Variants in KALRN observed in about 807,000 individuals in gnomAD.
KALRN encodes kalirin RhoGEF kinase.
In KALRN, 70 loss-of-function variants were observed where a neutral mutation model predicts 353.7. The ratio of observed to expected loss-of-function variants is 0.20; its 90% CI spans 0.16 to 0.24. The LOEUF (loss-of-function observed/expected upper bound fraction) is 0.24, where lower values mean the gene tolerates loss of function less well. Among genes scored for constraint, KALRN ranks in the 10% least tolerant of loss-of-function variants. KALRN has a pLI of 1.00. For synonymous variants in KALRN, 1,391 were observed against 1,434.8 expected (o/e 0.97, Z 0.69); for missense variants, 2,791 against 3,756.7 (o/e 0.74, Z 6.72).
chr3:124,052,072 G>A (rs2041096184), intron 1 of KALRN, among the ~76,000 whole-genome samples: 1 of 152,224 alleles, frequency 6.6e-6, no homozygotes, highest in African/African-American at 2.4e-5. Flanking sequence ...CAAGTGGTAA[G>A]TGGTTTCAGG....
intron 33 of KALRN, among the ~76,000 whole-genome samples, chr3:124,546,338 C>T (rs2069658819): frequency 6.6e-6 from 1 of 150,842 alleles, no homozygotes; most frequent in Non-Finnish European, 1.5e-5. Flanking sequence ...TGGCATGTAC[C>T]TTGTAGTCCC....
At chr3:124,537,862 C>T (rs930253852) in intron 33 of KALRN, among the ~76,000 whole-genome samples, 3 of 152,156 alleles carry the variant, frequency 2.0e-5, no homozygotes, top group African/African-American at 7.2e-5. Flanking sequence ...TGAGCATGCT[C>T]ACATTCTATG....
At chr3:124,654,688 A>G (rs1024218388) in intron 38 of KALRN, among the ~76,000 whole-genome samples, 12 of 152,230 alleles carry the variant, frequency 7.9e-5, no homozygotes, top group African/African-American at 2.9e-4. Flanking sequence ...TAGTTTACCA[A>G]GCAGTGGGCT....
chr3:124,596,570 T>A (rs1332293323), intron 34 of KALRN, among the ~76,000 whole-genome samples: 1 of 152,216 alleles, frequency 6.6e-6, no homozygotes, highest in Non-Finnish European at 1.5e-5. Flanking sequence ...TTGTACCAAG[T>A]CTTTGAAATC....
intron 6 of KALRN, among the ~76,000 whole-genome samples, chr3:124,319,935 A>G (rs1698694298): frequency 6.6e-6 from 1 of 152,104 alleles, no homozygotes; most frequent in Non-Finnish European, 1.5e-5. Flanking sequence ...TGGAGGTTGC[A>G]ATGAGCCAAG....
At chr3:124,392,746 AG>A (rs1419966050) in intron 11 of KALRN, among the ~76,000 whole-genome samples, 1 of 150,926 alleles carries the variant, frequency 6.6e-6, no homozygotes, top group Non-Finnish European at 1.5e-5. Flanking sequence ...CTGGAATTAC[AG>A]GTGTACGGCA....
rs554336243 is a variant in KALRN, at chr3:124,603,360, A to G, written c.5183-29060A>G. On this transcript the variant is annotated intron_variant, in intron 34 of 59. Transcript: ENST00000682506. ...CCTCCTGGTAGCCTTGGCAGCCTCT[A>G]ATTGATTCACTTAATTTTCTTGCTC... Among the ~76,000 whole-genome samples the G allele has an allele frequency of 6.6e-5, 10 of 152,258 alleles. No individual in the cohort carries two copies. The South Asian group carries it at 1.9e-3, about 28-fold the overall frequency.
chr3:124,552,897 C>A (rs1276207282), intron 33 of KALRN, among the ~76,000 whole-genome samples: 1 of 152,190 alleles, frequency 6.6e-6, no homozygotes, highest in Non-Finnish European at 1.5e-5. Context: ...TCCCAAGTAG[C>A]TGGGATTGCA....
chr3:124,124,773 T>C (rs1324547453), intron 1 of KALRN, among the ~76,000 whole-genome samples: 2 of 152,258 alleles, frequency 1.3e-5, no homozygotes, highest in South Asian at 2.1e-4. Context: ...TTCAGATGAC[T>C]GTTAGCATTT....
At chr3:124,039,770 A>G (rs1262793645) in intron 1 of KALRN, among the ~76,000 whole-genome samples, 1 of 152,164 alleles carries the variant, frequency 6.6e-6, no homozygotes, top group African/African-American at 2.4e-5. Flanking sequence ...CAGCAAAGGA[A>G]AACATCTCTT....
intron 10 of KALRN, among the ~76,000 whole-genome samples, chr3:124,368,525 C>T (rs2085334895): frequency 6.6e-6 from 1 of 150,552 alleles, no homozygotes; most frequent in Non-Finnish European, 1.5e-5. Flanking sequence ...AGAGGCACTC[C>T]TCACTTCCTA....
chr3:124,646,746 A>G (rs2651606), intron 37 of KALRN, among the ~76,000 whole-genome samples: 35,219 of 150,872 alleles, frequency 0.23, 4,451 homozygotes, highest in East Asian at 0.47. Context: ...AATATAAGAA[A>G]TATATGCTTA....
At chr3:124,661,956 C>T in intron 45 of KALRN, 28 bp downstream of exon 45, 3 of 1,571,496 alleles carry the variant, frequency 1.9e-6, no homozygotes, top group Non-Finnish European at 2.6e-6. Flanking sequence ...CGTCTAAGCC[C>T]ACTCTCTCCA....
chr3:124,553,742 T>C (rs987831317), intron 33 of KALRN, among the ~76,000 whole-genome samples: 2 of 152,350 alleles, frequency 1.3e-5, no homozygotes, highest in Admixed American at 6.5e-5. Flanking sequence ...AACAGCAGTA[T>C]AGACAGCCTC....
At chr3:124,311,866 G>A (rs964754718) in intron 6 of KALRN, among the ~76,000 whole-genome samples, 1 of 152,194 alleles carries the variant, frequency 6.6e-6, no homozygotes, top group Non-Finnish European at 1.5e-5. Context: ...GATGGACCTT[G>A]AAAACATTTT....
intron 1 of KALRN, among the ~76,000 whole-genome samples, chr3:124,145,239 T>C (rs528663311): frequency 2.0e-5 from 3 of 152,294 alleles, no homozygotes; most frequent in African/African-American, 7.2e-5. Context: ...GACTCCCTCA[T>C]TCATCTACTC....
chr3:124,370,395 A>G (rs895665058), intron 10 of KALRN, among the ~76,000 whole-genome samples: 1 of 152,242 alleles, frequency 6.6e-6, no homozygotes, highest in African/African-American at 2.4e-5. Flanking sequence ...TGTCTGGTGA[A>G]GCTTCTTGGG....
intron 21 of KALRN, among the ~76,000 whole-genome samples, chr3:124,451,540 C>T (rs938515912): frequency 2.6e-5 from 4 of 152,118 alleles, no homozygotes; most frequent in Admixed American, 2.6e-4. Flanking sequence ...TGCAGTCTGA[C>T]CCCATTTTAT....
At chr3:124,132,126 A>T (rs1022870291) in intron 1 of KALRN, among the ~76,000 whole-genome samples, 2 of 152,206 alleles carry the variant, frequency 1.3e-5, no homozygotes. Context: ...AATATCCATT[A>T]TTCTGGAATA....
Sources: gnomAD v4.1 joint callset for allele counts (sites outside exome capture counted in the v4.1 genomes callset) on GRCh38, gnomAD v4.1.1 for gene constraint, MANE v1.5 for transcripts, NCBI Gene and HGNC (gene_info 2026-07-23, HGNC 2026-07-21) for gene names.